The following XPNPEP3 variants were observed in gnomAD, a reference collection of about 807,000 sequenced individuals.
The protein encoded by XPNPEP3 is xaa-Pro aminopeptidase 3.
Under a neutral mutation model 60.0 loss-of-function variants are expected in XPNPEP3, and 41 were observed. The ratio of observed to expected loss-of-function variants is 0.68; its 90% CI spans 0.53 to 0.89. The LOEUF is 0.89. Among genes scored for constraint, XPNPEP3 ranks in the 40% least tolerant of loss-of-function variants. The probability of loss-of-function intolerance (pLI) is 0.00; values close to 1 mark genes in which losing one functional copy is unlikely to be tolerated. For synonymous variants in XPNPEP3, 212 were observed against 223.2 expected (o/e 0.95, Z 0.45); for missense variants, 598 against 638.9 (o/e 0.94, Z 0.69).
chr22:40,878,680 G>T (rs1018789604), intron 2 of XPNPEP3, among the ~76,000 whole-genome samples: 8 of 151,284 alleles, frequency 5.3e-5, no homozygotes, highest in Non-Finnish European at 8.8e-5. Flanking sequence ...TCTGCCTCCT[G>T]GGTTTAAGCA....
At chr22:40,892,346 A>G (rs1276097216) in intron 4 of XPNPEP3, among the ~76,000 whole-genome samples, 1 of 152,036 alleles carries the variant, frequency 6.6e-6, no homozygotes, top group Admixed American at 6.6e-5. Context: ...TACCAGGCCC[A>G]GCTAACGTTT....
chr22:40,928,302 G>T lies in XPNPEP3; in HGVS notation c.*1867G>T, dbSNP rs2058242847. 6.6e-6 allele frequency: 1 copy of T among 151,818 alleles called. No individual in the cohort carries two copies. Among genetic ancestry groups the T allele is most frequent in the South Asian group, 2.1e-4 (1 of 4,808 alleles). 9.4% of individuals were successfully genotyped at this position (151,818 alleles called of 1,614,324 possible). A position where few individuals can be genotyped will look rare whatever the true frequency, so the allele number is the denominator to read the frequency against. On this transcript the variant is annotated 3_prime_UTR_variant, in exon 10 of 10. Coordinates refer to ENST00000357137, the MANE Select transcript of XPNPEP3 (RefSeq NM_022098.4). ...GCTCACTACAACCTCCACCACCTGG[G>T]TTCAGGCAATTCTCCTGCCTCAGCC...
In XPNPEP3 at chr22:40,924,430, C is replaced by T; in HGVS notation, c.1305C>T (p.Asp435=). Residue 435 remains aspartate (D), a synonymous_variant, in exon 9 of 10, where the codon GAC becomes GAT. Coordinates refer to ENST00000357137, the MANE Select transcript of XPNPEP3 (RefSeq NM_022098.4). The part of the protein sequence containing the change: ...YLGMDVHDTP[D]MPRSLPLQPG... Reference sequence around the variant, plus strand: ...GGATGGATGTCCATGACACTCCAGACATGCCCCGTTCCCTCCCTCTGCAGC... The same window carrying T: ...GGATGGATGTCCATGACACTCCAGATATGCCCCGTTCCCTCCCTCTGCAGC... 6.2e-7 allele frequency: 1 copy of T among 1,614,190 alleles called. No individual in the cohort carries two copies. Among genetic ancestry groups the T allele is most frequent in the Non-Finnish European group, 8.5e-7 (1 of 1,180,032 alleles).
Position 40,924,346 on chromosome 22 carries a change from C to A in XPNPEP3, c.1237-16C>A. The A allele has an allele frequency of 6.2e-7, 1 of 1,613,998 alleles. No homozygotes were observed. Among genetic ancestry groups the A allele is most frequent in the East Asian group, 2.2e-5 (1 of 44,874 alleles). On this transcript the variant is annotated splice_polypyrimidine_tract_variant and intron_variant, in intron 8 of 9. Coordinates refer to ENST00000357137, the MANE Select transcript of XPNPEP3 (RefSeq NM_022098.4). ...GGTCATTGCTCTAATGATACTGTGA[C>A]AATTATCTTTTCCAGGCTGCTCGAA... is the stretch of plus-strand genomic sequence containing the variant.
rs9623257 is a variant in XPNPEP3, at chr22:40,861,047, T to C, written c.64+3802T>C. ...CACACACAATTGTGTTCAAATGTTA[T>C]ATATTTGAAGAGTCAATTTAACAAT... is the stretch of plus-strand genomic sequence containing the variant. On this transcript the variant is annotated intron_variant, in intron 1 of 9. Transcript: ENST00000357137. The C allele has an allele frequency of 8.2e-3, 12,806 of 1,555,064 alleles. 813 individuals carry two copies. In the African/African-American group the frequency reaches 0.15, roughly 18 times the overall value.
chr22:40,894,546 A>C (rs1355129802), intron 4 of XPNPEP3, among the ~76,000 whole-genome samples: 3 of 152,196 alleles, frequency 2.0e-5, no homozygotes, highest in African/African-American at 7.2e-5. Context: ...AATCATAGGG[A>C]GATAAATTGG....
intron 1 of XPNPEP3, chr22:40,860,386 T>A (rs1331592242): frequency 5.1e-6 from 1 of 197,388 alleles, no homozygotes; most frequent in Non-Finnish European, 1.0e-5. Flanking sequence ...CTAAGTCTAT[T>A]TCTAACTTAA....
At position 40,924,386 on chromosome 22, in the gene XPNPEP3, C is replaced by A. The variant is rs186524609; in HGVS notation, c.1261C>A (p.His421Asn). Residue 421 changes from histidine (H) to asparagine (N), a missense_variant, in exon 9 of 10, where the codon CAT becomes AAT. Coordinates refer to ENST00000357137, the MANE Select transcript of XPNPEP3 (RefSeq NM_022098.4). ...FKAARKYCPH[H>N]VGHYLGMDVH... ...GGCTGCTCGAAAATACTGTCCTCATCATGTTGGCCACTACCTCGGGATGGA... is the reference window on the plus strand; with the variant it reads ...GGCTGCTCGAAAATACTGTCCTCATAATGTTGGCCACTACCTCGGGATGGA... 7 of 1,614,152 alleles carry A rather than the reference C, an allele frequency of 4.3e-6. No homozygotes were observed. Among genetic ancestry groups the A allele is most frequent in the Middle Eastern group, 1.6e-4 (1 of 6,062 alleles).
intron 4 of XPNPEP3, among the ~76,000 whole-genome samples, chr22:40,889,522 A>G (rs1046981672): frequency 2.0e-5 from 3 of 152,234 alleles, no homozygotes; most frequent in African/African-American, 7.2e-5. Flanking sequence ...TCAATATCAT[A>G]TAGATAATCA....
chr22:40,895,068 A>G (rs1330828115), intron 4 of XPNPEP3, among the ~76,000 whole-genome samples: 1 of 152,136 alleles, frequency 6.6e-6, no homozygotes, highest in Non-Finnish European at 1.5e-5. Flanking sequence ...GACTCTGAAC[A>G]TCTACTTTTC....
Position 40,907,628 on chromosome 22 carries a change from AG to A in XPNPEP3, c.835del (p.Glu279LysfsTer20). The A allele has an allele frequency of 6.2e-7, 1 of 1,614,074 alleles. No individual in the cohort carries two copies. Among genetic ancestry groups the A allele is most frequent in the Non-Finnish European group, 8.5e-7 (1 of 1,179,984 alleles). On this transcript the variant is annotated frameshift_variant, in exon 5 of 10. Transcript: ENST00000357137. LOFTEE classifies it high-confidence loss of function. ...TMFTSKAPVE[E>X]AFLYAKFEFE... ...TGTTCACCAGTAAAGCCCCTGTGGA[AG>A]AAGCCTTTCTTTATGCTAAGGTGAG...
chr22:40,872,697 C>T (rs765806324), intron 2 of XPNPEP3, among the ~76,000 whole-genome samples: 3 of 151,916 alleles, frequency 2.0e-5, no homozygotes, highest in Non-Finnish European at 4.4e-5. Flanking sequence ...GTGATCCACC[C>T]GCCTCAGCCT....
chr22:40,889,884 C>T (rs2058082444), intron 4 of XPNPEP3, among the ~76,000 whole-genome samples: 1 of 152,158 alleles, frequency 6.6e-6, no homozygotes, highest in South Asian at 2.1e-4. Flanking sequence ...AGGGTTGGTA[C>T]TGATTTAAAC....
intron 1 of XPNPEP3, chr22:40,862,509 G>C: frequency 1.0e-6 from 1 of 985,638 alleles, no homozygotes; most frequent in Non-Finnish European, 1.2e-6. Flanking sequence ...TTTCAGTCAA[G>C]AAACAGTTCA....
At chr22:40,880,028 CAAAAAAAAA>C (rs963115248) in intron 2 of XPNPEP3, among the ~76,000 whole-genome samples, 19 of 52,862 alleles carry the variant, frequency 3.6e-4, no homozygotes, top group African/African-American at 1.4e-3. Context: ...CTCTGTCTCC[CAAAAAAAAA>C]AAAAAAAAAA....
intron 2 of XPNPEP3, among the ~76,000 whole-genome samples, chr22:40,877,717 T>C (rs919325695): frequency 3.3e-5 from 5 of 152,320 alleles, no homozygotes; most frequent in Admixed American, 2.0e-4. Context: ...TTTAATTCTT[T>C]ACAGTTTTAC....
intron 4 of XPNPEP3, among the ~76,000 whole-genome samples, chr22:40,894,402 A>C (rs559103222): frequency 1.3e-5 from 2 of 152,240 alleles, no homozygotes; most frequent in African/African-American, 4.8e-5. Context: ...TTTATGTATA[A>C]AGTGTACAAC....
rs574026661 is a variant in XPNPEP3, at chr22:40,920,954, A to G, written c.1056-1379A>G. ...ATTACAGACATGCACCACCATGCCC[A>G]GCTGATTTTGTATTTTTAGTAGAGA... On this transcript the variant is annotated intron_variant, in intron 7 of 9. Coordinates refer to ENST00000357137, the MANE Select transcript of XPNPEP3 (RefSeq NM_022098.4). Among the ~76,000 whole-genome samples, 6 of 152,136 alleles carry G rather than the reference A, an allele frequency of 3.9e-5. No individual in the cohort carries two copies. In the East Asian group the frequency reaches 9.7e-4, roughly 25 times the overall value.
chr22:40,877,954 C>G (rs1453577732), intron 2 of XPNPEP3, among the ~76,000 whole-genome samples: 3 of 151,988 alleles, frequency 2.0e-5, no homozygotes, highest in Non-Finnish European at 4.4e-5. Context: ...CGCCTGTAAT[C>G]CCAGCATTTT....
Sources: allele counts gnomAD v4.1 joint callset (sites outside exome capture counted in the v4.1 genomes callset), GRCh38; gene constraint gnomAD v4.1.1; transcripts MANE v1.5; gene names NCBI Gene and HGNC (gene_info 2026-07-23, HGNC 2026-07-21).